The following POGK variants were observed in gnomAD, a reference collection of about 807,000 sequenced individuals.
The protein encoded by POGK is pogo transposable element derived with KRAB domain, also known as pogo transposable element with KRAB domain.
POGK carries 16 observed loss-of-function variants against 54.4 expected under a neutral mutation model. That is an observed-to-expected ratio of 0.29 (90% CI 0.20 to 0.45). The LOEUF is 0.45. POGK is among the 20% of genes least tolerant of loss of function. The pLI is 1.00. For synonymous variants in POGK, 271 were observed against 302.2 expected, an observed-to-expected ratio of 0.90 and a Z score of 1.07; for missense variants, 515 against 795.6, an observed-to-expected ratio of 0.65 and a Z score of 4.24.
At chr1:166,848,315 A>G (rs1350724847) in intron 4 of POGK, among the ~76,000 whole-genome samples, 2 of 152,228 alleles carry the variant, frequency 1.3e-5, no homozygotes, top group African/African-American at 2.4e-5. Flanking sequence ...AACTGATGAC[A>G]TTTTAGTTTG....
At chr1:166,841,136 A>G (rs2101745296) in intron 2 of POGK, 48 bp downstream of exon 2, 1 of 1,602,390 alleles carries the variant, frequency 6.2e-7, no homozygotes, top group Non-Finnish European at 8.5e-7. Flanking sequence ...TGCAGGCCTG[A>G]GAGCCCAGCT....
At chr1:166,848,230 T>G (rs1158464348) in intron 4 of POGK, among the ~76,000 whole-genome samples, 1 of 152,228 alleles carries the variant, frequency 6.6e-6, no homozygotes, top group East Asian at 1.9e-4. Flanking sequence ...TGAGAATGCC[T>G]CTTAAAATCA....
At chr1:166,840,871 G>GT in intron 1 of POGK, 84 bp from the exon 2 acceptor site, 1 of 1,553,010 alleles carries the variant, frequency 6.4e-7, no homozygotes, top group African/African-American at 1.4e-5. Context: ...AAAGAGGTTT[G>GT]TATGTGGCTC....
At chr1:166,846,566 T>C in intron 2 of POGK, 46 bp from the exon 3 acceptor site, 2 of 1,610,932 alleles carry the variant, frequency 1.2e-6, no homozygotes, top group Non-Finnish European at 1.7e-6. Flanking sequence ...AAAGTCTGTC[T>C]GCATATGCCT....
intron 2 of POGK, among the ~76,000 whole-genome samples, chr1:166,843,459 G>A (rs1657620967): frequency 6.6e-6 from 1 of 152,198 alleles, no homozygotes; most frequent in South Asian, 2.1e-4. Context: ...GCAAAGCTTT[G>A]GCATCAGACT....
Position 166,849,120 on chromosome 1 carries a change from C to G in POGK, c.541C>G (p.Leu181Val). The G allele has an allele frequency of 6.2e-7, 1 of 1,614,196 alleles. No individual in the cohort carries two copies. Among genetic ancestry groups the G allele is most frequent in the Non-Finnish European group, 8.5e-7 (1 of 1,180,046 alleles). ...GGCCATGGGCTTCCCAGGGTATGAC[C>G]TCTCGGCTGATGACATAGCTGGGAA... ...YMAMGFPGYDLSADDIAGKFQ... is the reference protein window; with the variant it reads ...YMAMGFPGYDVSADDIAGKFQ... Residue 181 changes from leucine to valine, a missense_variant, in exon 5 of 6, where the codon CTC becomes GTC. Coordinates refer to ENST00000367876, the MANE Select transcript of POGK (RefSeq NM_017542.5).
intron 5 of POGK, chr1:166,851,258 G>A (rs996677358): frequency 1.3e-5 from 2 of 152,090 alleles, no homozygotes; most frequent in African/African-American, 4.8e-5. Flanking sequence ...TCCGGGCCTC[G>A]GGTCTCAGTC....
chr1:166,846,244 G>T (rs1657843929), intron 2 of POGK, among the ~76,000 whole-genome samples: 1 of 152,198 alleles, frequency 6.6e-6, no homozygotes. Context: ...TCTGGGTGTG[G>T]GTGGCTTAAG....
At chr1:166,847,617 G>A (rs745955986) in intron 4 of POGK, 25 bp downstream of exon 4, 29 of 1,566,202 alleles carry the variant, frequency 1.9e-5, no homozygotes, top group South Asian at 6.7e-5. Flanking sequence ...GCAGTTCAGC[G>A]TCCATCCAGC....
chr1:166,845,357 CA>C lies in POGK; in HGVS notation c.133-1237del, dbSNP rs11464833. Among the ~76,000 whole-genome samples, 745 of 100,864 alleles carry C rather than the reference CA, an allele frequency of 7.4e-3. 6 individuals are homozygous for C. The highest frequency in any genetic ancestry group is 0.02 in the African/African-American group (555 of 28,382). 66.2% of individuals were successfully genotyped at this position (100,864 alleles called of 152,430 possible). A position where few individuals can be genotyped will look rare whatever the true frequency, so the allele number is the denominator to read the frequency against. On this transcript the variant is annotated intron_variant, in intron 2 of 5. Coordinates refer to ENST00000367876, the MANE Select transcript of POGK (RefSeq NM_017542.5). The stretch of plus-strand genomic sequence containing the variant: ...TGGGCAACAGAGCAAGACTCCATCT[CA>C]AAAAAAAAAAAAAAAAATAGGCGTA...
At chr1:166,841,648 CTTATAG>C (rs1557897437) in intron 2 of POGK, among the ~76,000 whole-genome samples, 1 of 152,224 alleles carries the variant, frequency 6.6e-6, no homozygotes, top group Non-Finnish European at 1.5e-5. Flanking sequence ...GCAGTAGATA[CTTATAG>C]TTACAGATAG....
At chr1:166,843,524 A>G (rs559300942) in intron 2 of POGK, among the ~76,000 whole-genome samples, 1 of 152,320 alleles carries the variant, frequency 6.6e-6, no homozygotes, top group South Asian at 2.1e-4. Context: ...CCTTACCCAT[A>G]AAAGTGAGGT....
intron 1 of POGK, chr1:166,840,280 T>G (rs958711371): frequency 2.6e-5 from 4 of 152,306 alleles, no homozygotes; most frequent in African/African-American, 4.8e-5. Flanking sequence ...CAATGGGTTA[T>G]TTCCCTGTCG....
chr1:166,844,089 T>C (rs988679157), intron 2 of POGK, among the ~76,000 whole-genome samples: 1 of 152,244 alleles, frequency 6.6e-6, no homozygotes. Context: ...TCTAAGCCAC[T>C]ACACTGTGCC....
chr1:166,843,954 G>C (rs557379015), intron 2 of POGK, among the ~76,000 whole-genome samples: 78 of 152,274 alleles, frequency 5.1e-4, no homozygotes, highest in African/African-American at 1.9e-3. Context: ...CCCGGGGCCG[G>C]CCCTGTTTAC....
rs1219434582 is a variant in POGK at position 166,848,995 on chromosome 1, C to T, written c.416C>T (p.Ser139Phe). Residue 139 changes from serine (S) to phenylalanine (F), a missense_variant, in exon 5 of 6, where the codon TCC (serine) becomes TTC (phenylalanine). Ser to Phe is a radical substitution (Grantham distance 155). Transcript: ENST00000367876. ...TGGCCAAACCCAATGAATGCTACCT[C>T]CCAGTTTCCTCAGCCTCAGCACTTT... The part of the protein sequence containing the change: ...PDWPNPMNAT[S>F]QFPQPQHFDS... 6.2e-7 allele frequency: 1 copy of T among 1,613,948 alleles called. No individual in the cohort carries two copies. Among genetic ancestry groups the T allele is most frequent in the Non-Finnish European group, 8.5e-7 (1 of 1,179,966 alleles).
chr1:166,847,445 T>C, intron 3 of POGK, 49 bp from the exon 4 acceptor site: 1 of 1,460,332 alleles, frequency 6.8e-7, no homozygotes, highest in Non-Finnish European at 9.6e-7. Flanking sequence ...TTGGTAGTGC[T>C]CCAGGACAGT....
At position 166,849,677 on chromosome 1, in the gene POGK, G is replaced by A. The variant is rs765257867; in HGVS notation, c.1098G>A (p.Thr366=). The A allele has an allele frequency of 1.7e-5, 28 of 1,614,150 alleles. No homozygotes were observed. The highest frequency in any genetic ancestry group is 3.3e-5 in the South Asian group (3 of 91,092). Residue 366 remains threonine, a synonymous_variant, in exon 5 of 6, where the codon ACG becomes ACA. Coordinates refer to ENST00000367876, the MANE Select transcript of POGK (RefSeq NM_017542.5). ...CTCAGATGGGGAATGCAGATGAGAC[G>A]CCCATTTGTTTAGAGGTGCCATCAC... The part of the protein sequence containing the change: ...EVAQMGNADE[T]PICLEVPSRV...
At chr1:166,839,896 GCC>G (rs1657411819) in intron 1 of POGK, 1 of 152,236 alleles carries the variant, frequency 6.6e-6, no homozygotes. Flanking sequence ...ATCCGAACGC[GCC>G]CGGGGGCGCG....
Sources: allele counts gnomAD v4.1 joint callset (sites outside exome capture counted in the v4.1 genomes callset), GRCh38; gene constraint gnomAD v4.1.1; transcripts MANE v1.5; gene names NCBI Gene and HGNC (gene_info 2026-07-23, HGNC 2026-07-21).